BMPR1B: variants seen among roughly 807,000 people sequenced by gnomAD.
BMPR1B encodes the protein bone morphogenetic protein receptor type 1B.
BMPR1B carries 12 observed loss-of-function variants against 59.1 expected under a neutral mutation model. That is an observed-to-expected ratio of 0.20 (90% confidence interval 0.13 to 0.33). The LOEUF (loss-of-function observed/expected upper bound fraction) is 0.33, where lower values mean the gene tolerates loss of function less well. Among genes scored for constraint, BMPR1B ranks in the 10% least tolerant of loss-of-function variants. The pLI is 1.00. For synonymous variants in BMPR1B, 237 were observed against 207.3 expected (o/e 1.14, Z -1.23); for missense variants, 550 against 610.9 (o/e 0.90, Z 1.05).
chr4:94,767,110 A>G (rs1721999355), intron 1 of BMPR1B, among the ~76,000 whole-genome samples: 1 of 152,142 alleles, frequency 6.6e-6, no homozygotes, highest in Admixed American at 6.6e-5. Context: ...ACCCACGACC[A>G]GGCTGTTTTG....
In BMPR1B at chr4:95,156,972, T is replaced by C. The variant is rs1175838426; in HGVS notation, c.*2299T>C. ...GGTTTTTCCTAAATTTAAGTGAGGT[T>C]GGGCTTACCTTGTAGATAAAATTAT... On this transcript the variant is annotated 3_prime_UTR_variant, in exon 13 of 13. Transcript: ENST00000515059. 3 of 152,176 alleles carry C rather than the reference T, an allele frequency of 2.0e-5. No individual in the cohort carries two copies. Among genetic ancestry groups the C allele is most frequent in the Non-Finnish European group, 4.4e-5 (3 of 68,006 alleles). The allele number at this position is 152,176 out of a possible 1,614,324, so 9.4% of individuals were successfully genotyped here.
At chr4:95,009,781 C>T (rs1378408731) in intron 3 of BMPR1B, among the ~76,000 whole-genome samples, 1 of 152,068 alleles carries the variant, frequency 6.6e-6, no homozygotes. Context: ...CTGAGCCTGC[C>T]TCCACCATCT....
At chr4:94,926,668 A>T (rs1194307287) in intron 2 of BMPR1B, among the ~76,000 whole-genome samples, 2 of 151,990 alleles carry the variant, frequency 1.3e-5, no homozygotes, top group Non-Finnish European at 2.9e-5. Context: ...TAAAACTGTC[A>T]CTATTTTCTT....
At chr4:94,987,237 A>G (rs1465724400) in intron 2 of BMPR1B, among the ~76,000 whole-genome samples, 1 of 143,996 alleles carries the variant, frequency 6.9e-6, no homozygotes, top group Non-Finnish European at 1.5e-5. Context: ...AATATATGTA[A>G]TATATAATAT....
At chr4:94,805,362 T>C (rs1274777040) in intron 1 of BMPR1B, among the ~76,000 whole-genome samples, 1 of 152,214 alleles carries the variant, frequency 6.6e-6, no homozygotes, top group African/African-American at 2.4e-5. Flanking sequence ...ATGCTCATTT[T>C]AGATGTTAAA....
At position 94,875,511 on chromosome 4, in the gene BMPR1B, C is replaced by T. The variant is rs1160988295; in HGVS notation, c.-182-320C>T. 6.6e-5 allele frequency among the ~76,000 whole-genome samples: 10 copies of T among 152,248 alleles called. No individual in the cohort carries two copies. In the East Asian group the frequency reaches 1.7e-3, roughly 26 times the overall value. On this transcript the variant is annotated intron_variant, in intron 1 of 12. Transcript: ENST00000515059. ...CATCCTGGCTAACACGGTGAAACCCCGTCTCTACTAAAAATACAAAAAATT... is the reference window on the plus strand; with the variant it reads ...CATCCTGGCTAACACGGTGAAACCCTGTCTCTACTAAAAATACAAAAAATT...
At chr4:94,773,818 T>G (rs1383509837) in intron 1 of BMPR1B, among the ~76,000 whole-genome samples, 1 of 148,908 alleles carries the variant, frequency 6.7e-6, no homozygotes, top group Admixed American at 6.7e-5. Flanking sequence ...GGAAGTCTCT[T>G]TTAAAAACTC....
At chr4:95,117,192 T>G (rs1471194558) in intron 6 of BMPR1B, among the ~76,000 whole-genome samples, 1 of 152,092 alleles carries the variant, frequency 6.6e-6, no homozygotes, top group African/African-American at 2.4e-5. Context: ...TATAGAAAGT[T>G]TAAAATTTAA....
chr4:95,031,103 C>G (rs1376423895), intron 3 of BMPR1B, among the ~76,000 whole-genome samples: 2 of 152,210 alleles, frequency 1.3e-5, no homozygotes, highest in Non-Finnish European at 2.9e-5. Context: ...AGGCATCACA[C>G]TACCTGACTT....
At chr4:94,826,099 A>G (rs1724372502) in intron 1 of BMPR1B, among the ~76,000 whole-genome samples, 1 of 152,138 alleles carries the variant, frequency 6.6e-6, no homozygotes, top group East Asian at 1.9e-4. Context: ...TTATTTGTTT[A>G]TTTGATAAGG....
At chr4:94,911,001 G>A (rs758593748) in intron 2 of BMPR1B, among the ~76,000 whole-genome samples, 2 of 152,128 alleles carry the variant, frequency 1.3e-5, no homozygotes, top group Non-Finnish European at 2.9e-5. Flanking sequence ...CAGTACTTAC[G>A]TGAACCACAT....
intron 3 of BMPR1B, among the ~76,000 whole-genome samples, chr4:95,055,545 C>T (rs956679088): frequency 6.6e-6 from 1 of 152,106 alleles, no homozygotes; most frequent in Non-Finnish European, 1.5e-5. Context: ...TATTTTGTGG[C>T]ATTTCTTAAT....
chr4:94,796,610 A>G (rs1723205453), intron 1 of BMPR1B, among the ~76,000 whole-genome samples: 2 of 151,990 alleles, frequency 1.3e-5, no homozygotes, highest in South Asian at 4.1e-4. Flanking sequence ...TTATTTAAGT[A>G]TTTCTTGTAT....
chr4:94,782,651 A>C (rs745715511), intron 1 of BMPR1B, among the ~76,000 whole-genome samples: 1 of 152,106 alleles, frequency 6.6e-6, no homozygotes, highest in African/African-American at 2.4e-5. Context: ...AAAAATTTTT[A>C]TCTCTTTATT....
chr4:94,793,363 C>T (rs1413570079), intron 1 of BMPR1B, among the ~76,000 whole-genome samples: 4 of 151,550 alleles, frequency 2.6e-5, no homozygotes, highest in South Asian at 2.1e-4. Context: ...TTTTTTATGG[C>T]TGCATAGTAT....
intron 1 of BMPR1B, among the ~76,000 whole-genome samples, chr4:94,835,895 G>A (rs1437700570): frequency 9.1e-6 from 1 of 109,856 alleles, no homozygotes; most frequent in Non-Finnish European, 1.9e-5. Context: ...ATCTCCCAAT[G>A]CTATCCCTCC....
At chr4:95,150,023 T>C (rs772390830) in intron 11 of BMPR1B, among the ~76,000 whole-genome samples, 5 of 152,208 alleles carry the variant, frequency 3.3e-5, no homozygotes, top group African/African-American at 9.7e-5. Context: ...AGCCATAACA[T>C]CTTTAGGTTC....
chr4:95,130,149 T>C, intron 9 of BMPR1B, 95 bp downstream of exon 9: 1 of 1,439,252 alleles, frequency 6.9e-7, no homozygotes, highest in Non-Finnish European at 9.6e-7. Flanking sequence ...TCTAGACCCG[T>C]TGCGAAATGT....
intron 2 of BMPR1B, among the ~76,000 whole-genome samples, chr4:94,922,577 G>A (rs923890667): frequency 1.4e-4 from 22 of 152,066 alleles, no homozygotes; most frequent in Non-Finnish European, 1.6e-4. Flanking sequence ...TAAAGCATGC[G>A]GGAACCTTTG....
Sources: allele counts gnomAD v4.1 joint callset (sites outside exome capture counted in the v4.1 genomes callset), GRCh38; gene constraint gnomAD v4.1.1; transcripts MANE v1.5; gene names NCBI Gene and HGNC (gene_info 2026-07-23, HGNC 2026-07-21).